CPEB3: variants seen among roughly 807,000 people sequenced by gnomAD.
CPEB3 encodes the protein cytoplasmic polyadenylation element binding protein 3.
Under a neutral mutation model 67.2 loss-of-function variants are expected in CPEB3, and 20 were observed. That is an observed-to-expected ratio of 0.30 (90% CI 0.21 to 0.43). CPEB3 has a LOEUF of 0.43. Among genes scored for constraint, CPEB3 ranks in the 20% least tolerant of loss-of-function variants. The pLI, the probability that CPEB3 is intolerant of heterozygous loss-of-function variation, is 1.00. For synonymous variants in CPEB3, 376 were observed against 393.1 expected (o/e 0.96, Z 0.51); for missense variants, 746 against 968.6 (o/e 0.77, Z 3.05).
intron 9 of CPEB3, among the ~76,000 whole-genome samples, chr10:92,076,879 GA>G (rs1392424603): frequency 1.3e-5 from 2 of 151,802 alleles, no homozygotes; most frequent in Non-Finnish European, 2.9e-5. Flanking sequence ...AGGGGGAAGG[GA>G]AAGGAAGGAA....
chr10:92,053,560 G>A (rs1354202816), intron 9 of CPEB3, among the ~76,000 whole-genome samples: 1 of 61,464 alleles, frequency 1.6e-5, no homozygotes, highest in Non-Finnish European at 3.8e-5. Flanking sequence ...TTTTTTTTTT[G>A]AGATGGAGTC....
At chr10:92,258,559 G>T (rs796635674) in intron 1 of CPEB3, among the ~76,000 whole-genome samples, 4 of 142,062 alleles carry the variant, frequency 2.8e-5, no homozygotes, top group African/African-American at 1.1e-4. Context: ...TATTCCATAG[G>T]AATAGGAGAA....
At chr10:92,090,852 TTCTA>T (rs1250187798) in intron 8 of CPEB3, among the ~76,000 whole-genome samples, 2 of 152,166 alleles carry the variant, frequency 1.3e-5, no homozygotes, top group Non-Finnish European at 2.9e-5. Context: ...CTGTTTTGCT[TTCTA>T]TCTTTCATTT....
At chr10:92,054,086 G>A (rs926679520) in intron 9 of CPEB3, among the ~76,000 whole-genome samples, 1 of 151,760 alleles carries the variant, frequency 6.6e-6, no homozygotes, top group Non-Finnish European at 1.5e-5. Context: ...TATCTTCTTT[G>A]GAGATATACA....
At chr10:92,281,232 C>A (rs1397113698) in intron 1 of CPEB3, among the ~76,000 whole-genome samples, 2 of 150,794 alleles carry the variant, frequency 1.3e-5, no homozygotes, top group Non-Finnish European at 3.0e-5. Flanking sequence ...TTAAATTGGG[C>A]TTTTTTTGGG....
chr10:92,260,322 G>A (rs1385883267), intron 1 of CPEB3, among the ~76,000 whole-genome samples: 2 of 151,964 alleles, frequency 1.3e-5, no homozygotes, highest in East Asian at 1.9e-4. Context: ...AGGCAGAGGC[G>A]GGCAGATCAC....
rs1841890136 is a variant in CPEB3 at position 92,051,364 on chromosome 10, G to C, written c.*848C>G. The C allele has an allele frequency of 6.6e-6, 1 of 152,584 alleles. No individual in the cohort carries two copies. Among genetic ancestry groups the C allele is most frequent in the African/African-American group, 2.4e-5 (1 of 41,430 alleles). 9.5% of individuals were successfully genotyped at this position (152,584 alleles called of 1,614,324 possible). A position where few individuals can be genotyped will look rare whatever the true frequency, so the allele number is the denominator to read the frequency against. Reference sequence around the variant, plus strand: ...AAGTAAACATGCAGTCAGAAATAGTGACCTTCCACCGAAGCTTTCTGAAGT... The same window carrying C: ...AAGTAAACATGCAGTCAGAAATAGTCACCTTCCACCGAAGCTTTCTGAAGT... On this transcript the variant is annotated 3_prime_UTR_variant, in exon 10 of 10. Transcript: ENST00000265997.
At chr10:92,060,896 C>T (rs767562384) in intron 9 of CPEB3, among the ~76,000 whole-genome samples, 1 of 152,142 alleles carries the variant, frequency 6.6e-6, no homozygotes, top group Non-Finnish European at 1.5e-5. Context: ...GAAAAGGGAA[C>T]CCTTGTACAC....
intron 9 of CPEB3, among the ~76,000 whole-genome samples, chr10:92,060,534 A>T (rs1842301676): frequency 6.6e-6 from 1 of 152,190 alleles, no homozygotes; most frequent in African/African-American, 2.4e-5. Context: ...ACATCAAGTT[A>T]AAAAACTTCT....
chr10:92,085,969 T>C (rs1215307664), intron 8 of CPEB3, among the ~76,000 whole-genome samples: 1 of 152,102 alleles, frequency 6.6e-6, no homozygotes, highest in Non-Finnish European at 1.5e-5. Context: ...AGGAAACCCA[T>C]GATGACTCCT....
chr10:92,081,266 CA>C, intron 9 of CPEB3, 53 bp downstream of exon 9: 1 of 1,598,616 alleles, frequency 6.3e-7, no homozygotes, highest in Non-Finnish European at 8.6e-7. Context: ...CAGGAAACTA[CA>C]GAACAAACTT....
At chr10:92,153,250 T>C (rs1015210527) in intron 4 of CPEB3, among the ~76,000 whole-genome samples, 2 of 152,222 alleles carry the variant, frequency 1.3e-5, no homozygotes, top group Non-Finnish European at 2.9e-5. Context: ...TCGAGCAGGC[T>C]TTTGACAGAA....
intron 9 of CPEB3, among the ~76,000 whole-genome samples, chr10:92,053,107 G>C (rs980715483): frequency 6.6e-6 from 1 of 152,188 alleles, no homozygotes; most frequent in African/African-American, 2.4e-5. Context: ...ACTCACAGCT[G>C]AGGTGTTAAG....
At chr10:92,187,819 A>T (rs1848764235) in intron 3 of CPEB3, among the ~76,000 whole-genome samples, 2 of 152,158 alleles carry the variant, frequency 1.3e-5, no homozygotes, top group Non-Finnish European at 2.9e-5. Context: ...ATTTTCCTTC[A>T]ATCCACTAGA....
chr10:92,278,076 C>T (rs1842077516), intron 1 of CPEB3, among the ~76,000 whole-genome samples: 1 of 151,088 alleles, frequency 6.6e-6, no homozygotes. Context: ...ATCCCAGTTA[C>T]TCCGGAAGCT....
chr10:92,094,652 T>C (rs1843774818), intron 7 of CPEB3, among the ~76,000 whole-genome samples: 1 of 152,098 alleles, frequency 6.6e-6, no homozygotes, highest in Admixed American at 6.6e-5. Context: ...TCTGTTTGAC[T>C]AAATTATCAT....
intron 7 of CPEB3, among the ~76,000 whole-genome samples, 188 bp from the exon 8 acceptor site, chr10:92,092,132 C>T (rs142967581): frequency 4.6e-5 from 7 of 152,340 alleles, no homozygotes; most frequent in African/African-American, 7.2e-5. Context: ...AATCTACTTA[C>T]AGGTACTGTA....
At chr10:92,084,819 T>C (rs1590100928) in intron 8 of CPEB3, among the ~76,000 whole-genome samples, 1 of 152,136 alleles carries the variant, frequency 6.6e-6, no homozygotes, top group Non-Finnish European at 1.5e-5. Context: ...GACCTCATGA[T>C]CCGCCTGCCT....
At chr10:92,250,705 T>C (rs912938547) in intron 1 of CPEB3, among the ~76,000 whole-genome samples, 6 of 151,970 alleles carry the variant, frequency 3.9e-5, no homozygotes, top group Non-Finnish European at 8.8e-5. Flanking sequence ...GTTTGTTTGT[T>C]TTGAGACAGA....
Sources: allele counts gnomAD v4.1 joint callset (sites outside exome capture counted in the v4.1 genomes callset), GRCh38; gene constraint gnomAD v4.1.1; transcripts MANE v1.5; gene names NCBI Gene and HGNC (gene_info 2026-07-23, HGNC 2026-07-21).